HBS1L: variants seen among roughly 807,000 people sequenced by gnomAD.
The protein encoded by HBS1L is HBS1 like translational GTPase.
A neutral mutation model predicts 88.9 loss-of-function variants in HBS1L; 55 were observed. That is an observed-to-expected ratio of 0.62 (90% CI 0.50 to 0.77). The LOEUF is 0.77. Among genes scored for constraint, HBS1L ranks in the 30% least tolerant of loss-of-function variants. The pLI is 0.00. For synonymous variants in HBS1L, 267 were observed against 288.5 expected, an observed-to-expected ratio of 0.93 and a Z score of 0.76; for missense variants, 741 against 829.3, an observed-to-expected ratio of 0.89 and a Z score of 1.31.
chr6:135,043,276 T>C (rs1207471930), intron 2 of HBS1L, among the ~76,000 whole-genome samples: 1 of 152,208 alleles, frequency 6.6e-6, no homozygotes, highest in Non-Finnish European at 1.5e-5. Context: ...GACAGAAATA[T>C]AGATATAATA....
At chr6:135,016,177 T>A (rs750916102) in intron 4 of HBS1L, among the ~76,000 whole-genome samples, 2 of 152,194 alleles carry the variant, frequency 1.3e-5, no homozygotes, top group African/African-American at 4.8e-5. Context: ...GGAGTCACCA[T>A]GCCCAGCCCC....
intron 4 of HBS1L, among the ~76,000 whole-genome samples, chr6:135,020,416 G>C (rs1409625823): frequency 6.6e-6 from 1 of 151,716 alleles, no homozygotes; most frequent in Non-Finnish European, 1.5e-5. Context: ...TGGTATTTTT[G>C]GCAATGCCAA....
chr6:134,987,689 G>A lies in HBS1L; in HGVS notation c.1186C>T (p.Leu396=). Residue 396 remains leucine (L), a synonymous_variant, in exon 9 of 18, where the codon CTG becomes TTG. Transcript: ENST00000367837. ...TREHGLLVRS[L]GVTQLAVAVN... is the part of the protein sequence containing the mutation. ...GCAACTGCAAGCTGCGTCACTCCCA[G>A]AGAACGGACCAAGAGTCCATGCTCT... 1.2e-6 allele frequency: 2 copies of A among 1,607,812 alleles called. No homozygotes were observed. Among genetic ancestry groups the A allele is most frequent in the Non-Finnish European group, 1.7e-6 (2 of 1,177,100 alleles).
intron 5 of HBS1L, 107 bp from the exon 6 acceptor site, chr6:134,997,763 C>T (rs1231285305): frequency 1.2e-5 from 13 of 1,053,970 alleles, no homozygotes; most frequent in Non-Finnish European, 1.6e-5. Context: ...ATGCTCCAGA[C>T]CAGAAATAAT....
chr6:135,003,372 GGGAA>G, intron 4 of HBS1L, among the ~76,000 whole-genome samples: 1 of 152,174 alleles, frequency 6.6e-6, no homozygotes, highest in East Asian at 1.9e-4. Flanking sequence ...AAAGAATCTA[GGGAA>G]AGAGGTTAAT....
At chr6:134,980,169 C>T (rs1052342105) in intron 13 of HBS1L, among the ~76,000 whole-genome samples, 3 of 151,954 alleles carry the variant, frequency 2.0e-5, no homozygotes, top group Non-Finnish European at 2.9e-5. Flanking sequence ...GACACATTGA[C>T]ATGTTCTTAG....
At chr6:135,025,501 C>CAA (rs36006349) in intron 4 of HBS1L, among the ~76,000 whole-genome samples, 86,938 of 151,870 alleles carry the variant, frequency 0.57, 25,668 homozygotes, top group African/African-American at 0.73. Context: ...TGTTTTGCCT[C>CAA]AGAGACAAAA....
chr6:134,977,535 A>G lies in HBS1L; in HGVS notation c.1797+1144T>C, dbSNP rs1164970031. Among the ~76,000 whole-genome samples, 3 of 152,072 alleles carry G rather than the reference A, an allele frequency of 2.0e-5. No individual in the cohort carries two copies. The East Asian group carries it at 5.8e-4, about 29-fold the overall frequency. ...CTAGTGTATGGAAGAAATGGAATAT[A>G]ATTATGTAAGTAAAGTACCTAAATA... On this transcript the variant is annotated intron_variant, in intron 15 of 17. Transcript: ENST00000367837.
chr6:134,961,789 A>C lies in HBS1L; in HGVS notation c.*3490T>G, dbSNP rs1056955423. ...TCCTTACACCTTCCCACTGAGAAGC[A>C]CCCATAGACCCCAGTGGTGTGCAGT... is the stretch of plus-strand genomic sequence containing the variant. On this transcript the variant is annotated 3_prime_UTR_variant, in exon 18 of 18. Transcript: ENST00000367837. 2 of 151,344 alleles carry C rather than the reference A, an allele frequency of 1.3e-5. No homozygotes were observed. The highest frequency in any genetic ancestry group is 2.5e-5 in the African/African-American group (1 of 40,662). The allele number at this position is 151,344 out of a possible 1,614,324, so 9.4% of individuals were successfully genotyped here.
chr6:135,035,331 T>C (rs11756749), intron 4 of HBS1L, among the ~76,000 whole-genome samples: 17,582 of 151,406 alleles, frequency 0.12, 1,431 homozygotes, highest in East Asian at 0.27. Flanking sequence ...GCACCTGTAG[T>C]CCCAGCTACT....
At chr6:135,036,777 A>G (rs1252668266) in intron 4 of HBS1L, 2 of 1,551,534 alleles carry the variant, frequency 1.3e-6, no homozygotes, top group Non-Finnish European at 8.7e-7. Context: ...CAAAAGCTGA[A>G]GGTCTAGCAG....
chr6:135,015,295 G>A (rs1476558491), intron 4 of HBS1L, among the ~76,000 whole-genome samples: 3 of 152,152 alleles, frequency 2.0e-5, no homozygotes, highest in Non-Finnish European at 4.4e-5. Context: ...ATATCATACA[G>A]TTGGAGAGCC....
intron 4 of HBS1L, among the ~76,000 whole-genome samples, chr6:135,035,264 A>C (rs1292282236): frequency 6.6e-6 from 1 of 152,066 alleles, no homozygotes; most frequent in African/African-American, 2.4e-5. Flanking sequence ...ATCCTGGCCA[A>C]CATGGTGAAA....
chr6:135,030,365 C>T (rs1302185909), intron 4 of HBS1L, among the ~76,000 whole-genome samples: 1 of 151,702 alleles, frequency 6.6e-6, no homozygotes, highest in East Asian at 1.9e-4. Context: ...AAAGTGATAT[C>T]GAAACTGCAA....
chr6:135,011,614 A>G (rs1281124805), intron 4 of HBS1L, among the ~76,000 whole-genome samples: 1 of 152,038 alleles, frequency 6.6e-6, no homozygotes, highest in Non-Finnish European at 1.5e-5. Context: ...TATACAATAA[A>G]GAGTTCCTGG....
rs116338436 is a variant in HBS1L, at chr6:135,014,917, C to G, written c.431-12075G>C. Among the ~76,000 whole-genome samples, 490 of 150,940 alleles carry G rather than the reference C, an allele frequency of 3.2e-3. 3 individuals are homozygous for G. Among genetic ancestry groups the G allele is most frequent in the African/African-American group, 0.011 (462 of 41,114 alleles). On this transcript the variant is annotated intron_variant, in intron 4 of 17. Transcript: ENST00000367837. Reference sequence around the variant, plus strand: ...GGGCATAGTGGTACACGCCTGTAGTCCTAGGTACTCGGGAGGCTGAGGAAG... The same window carrying G: ...GGGCATAGTGGTACACGCCTGTAGTGCTAGGTACTCGGGAGGCTGAGGAAG...
chr6:134,994,299 T>C (rs1775230325), intron 7 of HBS1L, among the ~76,000 whole-genome samples: 1 of 152,108 alleles, frequency 6.6e-6, no homozygotes, highest in South Asian at 2.1e-4. Flanking sequence ...GAAATGAGCT[T>C]ATAAAACTTA....
intron 4 of HBS1L, chr6:135,037,746 T>G: frequency 6.4e-7 from 1 of 1,551,072 alleles, no homozygotes; most frequent in Admixed American, 2.0e-5. Flanking sequence ...ATGGCTGACT[T>G]TCACAGGAAT....
chr6:134,989,423 T>C (rs1446254324), intron 8 of HBS1L, among the ~76,000 whole-genome samples: 2 of 152,160 alleles, frequency 1.3e-5, no homozygotes, highest in African/African-American at 4.8e-5. Context: ...TCCTCTTATA[T>C]TCCATCCACA....
Sources: allele counts gnomAD v4.1 joint callset (sites outside exome capture counted in the v4.1 genomes callset), GRCh38; gene constraint gnomAD v4.1.1; transcripts MANE v1.5; gene names NCBI Gene and HGNC (gene_info 2026-07-23, HGNC 2026-07-21).